DNAH5: variants seen among roughly 807,000 people sequenced by gnomAD.
DNAH5 encodes the protein axonemal beta dynein heavy chain 5.
In DNAH5, 372 loss-of-function variants were observed where a neutral mutation model predicts 518.2. The ratio of observed to expected loss-of-function variants is 0.72; its 90% CI spans 0.66 to 0.78. The LOEUF (loss-of-function observed/expected upper bound fraction) is 0.78, where lower values mean the gene tolerates loss of function less well. DNAH5 is among the 30% of genes least tolerant of loss of function. The pLI, the probability that DNAH5 is intolerant of heterozygous loss-of-function variation, is 0.00. For missense variants in DNAH5, 5,523 were observed against 5,687.0 expected (o/e 0.97, Z 0.93); for synonymous variants, 2,039 against 2,025.9 (o/e 1.01, Z -0.17).
At chr5:13,930,686 C>T (rs1283051131) in intron 2 of DNAH5, among the ~76,000 whole-genome samples, 1 of 152,096 alleles carries the variant, frequency 6.6e-6, no homozygotes, top group African/African-American at 2.4e-5. Flanking sequence ...AGGTTAGGAA[C>T]AAAAGAAAGC....
intron 1 of DNAH5, among the ~76,000 whole-genome samples, chr5:13,968,188 T>C (rs1381009336): frequency 6.6e-6 from 1 of 152,148 alleles, no homozygotes; most frequent in Non-Finnish European, 1.5e-5. Context: ...GCTGAACTCA[T>C]TTATCAGTGC....
chr5:13,876,222 A>G (rs1770872493), intron 22 of DNAH5, among the ~76,000 whole-genome samples: 1 of 152,192 alleles, frequency 6.6e-6, no homozygotes, highest in African/African-American at 2.4e-5. Flanking sequence ...TATCTTCTTT[A>G]TTCTCAGTTT....
intron 1 of DNAH5, among the ~76,000 whole-genome samples, chr5:14,010,004 C>T (rs935809480): frequency 2.0e-5 from 3 of 151,988 alleles, no homozygotes; most frequent in African/African-American, 7.3e-5. Context: ...TCTTTAATTC[C>T]ACTAGCCAGA....
chr5:14,000,733 G>A (rs757477817), intron 1 of DNAH5, among the ~76,000 whole-genome samples: 4 of 152,002 alleles, frequency 2.6e-5, no homozygotes, highest in Non-Finnish European at 4.4e-5. Context: ...AAGTAGCCTC[G>A]TGATTTCTCA....
chr5:13,982,640 A>ATGAGTAGACATATACACTATTGCATGAG (rs1561041352), intron 1 of DNAH5, among the ~76,000 whole-genome samples: 2 of 35,690 alleles, frequency 5.6e-5, no homozygotes, highest in Non-Finnish European at 1.2e-4. Flanking sequence ...TATTGCATGA[A>ATGAGTAGACATATACACTATTGCATGAG]TGAGTAGACA....
In DNAH5 at chr5:13,884,980, G is replaced by C; in HGVS notation, c.2983+9C>G. On this transcript the variant is annotated intron_variant, in intron 19 of 78. Transcript: ENST00000265104. ...ATCATCCACTAAGCAAACCACACAAGATTATTACCCCGGAAGTTAATTGTG... is the reference window on the plus strand; with the variant it reads ...ATCATCCACTAAGCAAACCACACAACATTATTACCCCGGAAGTTAATTGTG... 2 of 1,614,058 alleles carry C rather than the reference G, an allele frequency of 1.2e-6. No individual in the cohort carries two copies.
chr5:13,969,119 T>C (rs954156994), intron 1 of DNAH5, among the ~76,000 whole-genome samples: 3 of 152,212 alleles, frequency 2.0e-5, no homozygotes, highest in South Asian at 2.1e-4. Context: ...GTATTCATAG[T>C]AGCCTTGAAT....
intron 68 of DNAH5, among the ~76,000 whole-genome samples, chr5:13,732,471 A>G (rs1007665772): frequency 1.3e-5 from 2 of 151,978 alleles, no homozygotes; most frequent in Non-Finnish European, 2.9e-5. Context: ...GGTTCAAATG[A>G]TTCTCCTGCT....
At chr5:13,887,780 CA>C (rs1772639930) in intron 17 of DNAH5, among the ~76,000 whole-genome samples, 1 of 152,132 alleles carries the variant, frequency 6.6e-6, no homozygotes, top group African/African-American at 2.4e-5. Flanking sequence ...TCCACTGCCC[CA>C]CCCAGGAGAC....
chr5:13,986,810 GA>G (rs2152071286), intron 1 of DNAH5, among the ~76,000 whole-genome samples: 1 of 152,250 alleles, frequency 6.6e-6, no homozygotes, highest in African/African-American at 2.4e-5. Context: ...GCATTTGTTA[GA>G]AAACAAAGTA....
In DNAH5 at chr5:13,742,395, C is replaced by G. The variant is rs189660067; in HGVS notation, c.11212-4900G>C. ...TAACAAAACTGGTCTTCCTGCTGAC[C>G]CTTTTCCACTCACAGTCACTCAGGA... is the stretch of plus-strand genomic sequence containing the variant. On this transcript the variant is annotated intron_variant, in intron 65 of 78. Transcript: ENST00000265104. 9.2e-4 allele frequency among the ~76,000 whole-genome samples: 140 copies of G among 152,136 alleles called. 1 individual carries two copies. The highest frequency in any genetic ancestry group is 3.2e-3 in the African/African-American group (133 of 41,536).
At chr5:13,947,049 T>A (rs1779983732), upstream of DNAH5, among the ~76,000 whole-genome samples, 1 of 152,246 alleles carries the variant, frequency 6.6e-6, no homozygotes, top group Non-Finnish European at 1.5e-5. Flanking sequence ...TGTTAAAATA[T>A]GAAAAATGTA....
intron 31 of DNAH5, among the ~76,000 whole-genome samples, chr5:13,847,780 G>GTGTC (rs139421781): frequency 0.019 from 2,864 of 151,512 alleles, 88 homozygotes; most frequent in African/African-American, 0.066. Flanking sequence ...GTGTGTGTGT[G>GTGTC]TGTCTGTCTG....
At chr5:13,921,642 A>G (rs999670386) in intron 5 of DNAH5, among the ~76,000 whole-genome samples, 1 of 151,790 alleles carries the variant, frequency 6.6e-6, no homozygotes, top group African/African-American at 2.4e-5. Flanking sequence ...CCTTTTGATC[A>G]TTGGCTGAAT....
chr5:13,706,693 C>A (rs1416732702), intron 76 of DNAH5, among the ~76,000 whole-genome samples: 3 of 152,224 alleles, frequency 2.0e-5, no homozygotes, highest in Admixed American at 6.5e-5. Context: ...TTCCTACTTA[C>A]AAAGACACTC....
intron 53 of DNAH5, 129 bp from the exon 54 acceptor site, chr5:13,777,484 T>G: frequency 1.4e-6 from 1 of 701,582 alleles, no homozygotes; most frequent in Admixed American, 2.5e-5. Context: ...TACGTATGTA[T>G]TCTATATGAA....
In DNAH5 at chr5:13,793,431, T is replaced by G. The variant is rs1291098643; in HGVS notation, c.8224+84A>C. The G allele has an allele frequency of 7.8e-6, 9 of 1,154,070 alleles. No individual in the cohort carries two copies. The African/African-American group carries it at 1.4e-4, about 18-fold the overall frequency. 71.5% of individuals were successfully genotyped at this position (1,154,070 alleles called of 1,614,324 possible). A position where few individuals can be genotyped will look rare whatever the true frequency, so the allele number is the denominator to read the frequency against. On this transcript the variant is annotated intron_variant, in intron 49 of 78. Coordinates refer to ENST00000265104, the MANE Select transcript of DNAH5 (RefSeq NM_001369.3). The stretch of plus-strand genomic sequence containing the variant: ...GGAGCCACCCAGTGCTCTTTCTGTG[T>G]GGGTCTTGGGTGAAGATTTTCAAAA...
intron 1 of DNAH5, among the ~76,000 whole-genome samples, chr5:13,973,162 AAAG>A (rs1782000077): frequency 6.6e-6 from 1 of 152,186 alleles, no homozygotes. Context: ...TGATGTGATA[AAAG>A]AAGGGCTGTT....
Position 13,717,540 on chromosome 5 carries a change from G to T in DNAH5, c.12500-20C>A. The T allele has an allele frequency of 6.3e-7, 1 of 1,594,740 alleles. No homozygotes were observed. The highest frequency in any genetic ancestry group is 8.6e-7 in the Non-Finnish European group (1 of 1,162,644). ...TGACACCTGTTGTGGTCAGTTGGGT[G>T]AAAAATGTATCATCTCTCAAATGTC... On this transcript the variant is annotated intron_variant, in intron 72 of 78. Coordinates refer to ENST00000265104, the MANE Select transcript of DNAH5 (RefSeq NM_001369.3).
Sources: gnomAD v4.1 joint callset for allele counts (sites outside exome capture counted in the v4.1 genomes callset) on GRCh38, gnomAD v4.1.1 for gene constraint, MANE v1.5 for transcripts, NCBI Gene and HGNC (gene_info 2026-07-23, HGNC 2026-07-21) for gene names.